Variants in VRK1 observed in about 807,000 individuals in gnomAD.
The protein encoded by VRK1 is serine/threonine-protein kinase VRK1.
In VRK1, 33 loss-of-function variants were observed where a neutral mutation model predicts 57.1. The observed-to-expected ratio is 0.58, with a 90% CI of 0.44 to 0.77. VRK1 has a LOEUF of 0.77. VRK1 is among the 30% of genes least tolerant of loss of function. The pLI is 0.00. For synonymous variants in VRK1, 137 were observed against 147.8 expected, an observed-to-expected ratio of 0.93 and a Z score of 0.53; for missense variants, 413 against 477.3, an observed-to-expected ratio of 0.87 and a Z score of 1.25.
intron 12 of VRK1, among the ~76,000 whole-genome samples, chr14:96,878,929 CT>C (rs1008239997): frequency 6.6e-6 from 1 of 152,070 alleles, no homozygotes; most frequent in Non-Finnish European, 1.5e-5. Context: ...GGCTGGTGTA[CT>C]TTCCCCCCTC....
intron 1 of VRK1, among the ~76,000 whole-genome samples, chr14:96,801,678 G>A (rs1211795034): frequency 6.6e-6 from 1 of 152,076 alleles, no homozygotes. Flanking sequence ...CCTACCAATA[G>A]CATAAACAAT....
chr14:96,877,979 A>T (rs1332885320), intron 12 of VRK1, among the ~76,000 whole-genome samples: 1 of 152,152 alleles, frequency 6.6e-6, no homozygotes, highest in African/African-American at 2.4e-5. Flanking sequence ...GTCATAAATA[A>T]TTTAAGGAGA....
chr14:96,877,451 C>T (rs1889086768), intron 12 of VRK1: 12 of 1,266,970 alleles, frequency 9.5e-6, no homozygotes, highest in South Asian at 2.5e-5. Context: ...GTCTTCCTTT[C>T]GCTACTGTCT....
At position 96,877,318 on chromosome 14, in the gene VRK1, A is replaced by G. The variant is rs1441774041; in HGVS notation, c.1159+1198A>G. The G allele has an allele frequency of 1.2e-5, 4 of 335,848 alleles. No homozygotes were observed. The East Asian group carries it at 3.0e-4, about 26-fold the overall frequency. The allele number at this position is 335,848 out of a possible 1,614,324, so 20.8% of individuals were successfully genotyped here. ...ATGTTCTTCATTACATATTATGGTT[A>G]GAACATCCTTTGGTTTAATCTGTTT... On this transcript the variant is annotated intron_variant, in intron 12 of 12. Transcript: ENST00000216639.
intron 1 of VRK1, among the ~76,000 whole-genome samples, chr14:96,825,061 G>T (rs1314766976): frequency 2.0e-5 from 3 of 152,174 alleles, no homozygotes; most frequent in African/African-American, 7.2e-5. Context: ...TTAATTAATA[G>T]TGTAAGTCTT....
At chr14:96,829,087 A>G (rs1178614548) in intron 1 of VRK1, among the ~76,000 whole-genome samples, 3 of 152,244 alleles carry the variant, frequency 2.0e-5, no homozygotes, top group Non-Finnish European at 4.4e-5. Context: ...AATATACAAC[A>G]TATAAGATGT....
At position 96,833,067 on chromosome 14, in the gene VRK1, T is replaced by C. The variant is rs191251206; in HGVS notation, c.-5-400T>C. Among the ~76,000 whole-genome samples the C allele has an allele frequency of 2.9e-3, 435 of 152,326 alleles. 2 individuals are homozygous for C. The highest frequency in any genetic ancestry group is 0.02 in the South Asian group (95 of 4,828). On this transcript the variant is annotated intron_variant, in intron 1 of 12. Transcript: ENST00000216639. ...CCTTATGTTTTCAATCTCTGCACTG[T>C]GTTCTATCATATCGGTATTGACCTT...
intron 11 of VRK1, among the ~76,000 whole-genome samples, chr14:96,873,306 C>T (rs1291348264): frequency 6.6e-6 from 1 of 152,112 alleles, no homozygotes; most frequent in Non-Finnish European, 1.5e-5. Context: ...ATTATCAGTT[C>T]AAATGCATCT....
intron 11 of VRK1, among the ~76,000 whole-genome samples, chr14:96,875,556 A>G (rs1231010320): frequency 6.6e-6 from 1 of 152,206 alleles, no homozygotes; most frequent in Non-Finnish European, 1.5e-5. Context: ...TGTGGTACAA[A>G]CACTGATTTA....
intron 1 of VRK1, among the ~76,000 whole-genome samples, chr14:96,815,751 T>C (rs1213598052): frequency 1.3e-5 from 2 of 151,042 alleles, no homozygotes; most frequent in African/African-American, 4.9e-5. Context: ...CAAAACAAAT[T>C]CGTGGGCATG....
At chr14:96,844,937 C>T (rs1887618704) in intron 3 of VRK1, among the ~76,000 whole-genome samples, 1 of 152,140 alleles carries the variant, frequency 6.6e-6, no homozygotes, top group Non-Finnish European at 1.5e-5. Flanking sequence ...TGGTTTTCTA[C>T]AGTTGAGGGT....
chr14:96,877,888 G>T (rs1889107749), intron 12 of VRK1, among the ~76,000 whole-genome samples: 1 of 152,004 alleles, frequency 6.6e-6, no homozygotes, highest in African/African-American at 2.4e-5. Flanking sequence ...TTTAGTTTAA[G>T]GTCTTCTACT....
At chr14:96,804,116 C>T (rs1381086167) in intron 1 of VRK1, among the ~76,000 whole-genome samples, 1 of 152,158 alleles carries the variant, frequency 6.6e-6, no homozygotes, top group African/African-American at 2.4e-5. Flanking sequence ...AGGTTGTTCT[C>T]ATTTTTTCTT....
chr14:96,857,941 GTGAA>G (rs1328559442), intron 10 of VRK1, among the ~76,000 whole-genome samples: 1 of 152,158 alleles, frequency 6.6e-6, no homozygotes, highest in Non-Finnish European at 1.5e-5. Context: ...AGTTAATACA[GTGAA>G]TGAAATATGT....
chr14:96,851,266 G>A (rs766454878), intron 5 of VRK1, among the ~76,000 whole-genome samples: 6 of 151,526 alleles, frequency 4.0e-5, no homozygotes, highest in East Asian at 1.9e-4. Context: ...TTAGCCTCCC[G>A]AGTTGCTGGA....
chr14:96,852,750 A>T (rs1887999656), intron 5 of VRK1, 81 bp from the exon 6 acceptor site: 1 of 986,106 alleles, frequency 1.0e-6, no homozygotes, highest in Admixed American at 1.8e-5. Flanking sequence ...TGTCTTGAAA[A>T]AATTACTTTG....
chr14:96,875,999 C>T (rs577743007), intron 11 of VRK1, 31 bp from the exon 12 acceptor site: 1 of 1,435,536 alleles, frequency 7.0e-7, no homozygotes, highest in Non-Finnish European at 9.7e-7. Context: ...TGTCAGATAT[C>T]TCTCTCTCTC....
At chr14:96,850,251 A>T (rs73357331) in intron 5 of VRK1, among the ~76,000 whole-genome samples, 1 of 152,160 alleles carries the variant, frequency 6.6e-6, no homozygotes, top group Admixed American at 6.5e-5. Flanking sequence ...CATGCCAGAC[A>T]TGCTTAGTTT....
At chr14:96,864,936 G>T (rs1188316354) in intron 11 of VRK1, among the ~76,000 whole-genome samples, 1 of 148,584 alleles carries the variant, frequency 6.7e-6, no homozygotes, top group African/African-American at 2.5e-5. Context: ...AAAAAAAATT[G>T]GGGTCGTTAG....
Sources: gnomAD v4.1 joint callset for allele counts (sites outside exome capture counted in the v4.1 genomes callset) on GRCh38, gnomAD v4.1.1 for gene constraint, MANE v1.5 for transcripts, NCBI Gene and HGNC (gene_info 2026-07-23, HGNC 2026-07-21) for gene names.